Variants in SPON1 observed in about 807,000 individuals in gnomAD.
SPON1 encodes spondin 1, also known as spondin-1.
SPON1 carries 52 observed loss-of-function variants against 111.7 expected under a neutral mutation model. The observed-to-expected ratio is 0.47, with a 90% CI of 0.37 to 0.59. The LOEUF is 0.59. Ranked by LOEUF, SPON1 falls within the 20% of genes least tolerant of loss-of-function variation. The pLI is 0.00. For missense variants in SPON1, 957 were observed against 1,068.5 expected (o/e 0.90, Z 1.46); for synonymous variants, 410 against 395.8 (o/e 1.04, Z -0.43).
intron 1 of SPON1, among the ~76,000 whole-genome samples, chr11:13,964,892 A>G (rs1848004636): frequency 1.3e-5 from 2 of 152,164 alleles, no homozygotes; most frequent in African/African-American, 4.8e-5. Flanking sequence ...TAGCAGAGAA[A>G]GAAGTGGCTC....
intron 6 of SPON1, among the ~76,000 whole-genome samples, chr11:14,236,780 A>G (rs904365126): frequency 6.0e-5 from 9 of 151,030 alleles, no homozygotes; most frequent in African/African-American, 2.2e-4. Context: ...TTCAAGGCAG[A>G]GGGAGTGAGT....
intron 3 of SPON1, among the ~76,000 whole-genome samples, chr11:14,049,579 T>G (rs192953788): frequency 3.1e-4 from 47 of 152,280 alleles, no homozygotes; most frequent in Admixed American, 2.7e-3. Flanking sequence ...TCCCTAGCCT[T>G]TCTTGTCTGT....
intron 6 of SPON1, among the ~76,000 whole-genome samples, chr11:14,139,725 T>TATATATATATA (rs1564913657): frequency 6.6e-6 from 1 of 150,832 alleles, no homozygotes; most frequent in Admixed American, 6.6e-5. Context: ...TATATATATA[T>TATATATATATA]TTAAGTGAAA....
chr11:14,256,537 T>A lies in SPON1; in HGVS notation c.1234-80T>A. The A allele has an allele frequency of 7.3e-6, 7 of 960,588 alleles. No individual in the cohort carries two copies. The South Asian group carries it at 1.0e-4, about 14-fold the overall frequency. The allele number at this position is 960,588 out of a possible 1,614,324, so 59.5% of individuals were successfully genotyped here. A position where few individuals can be genotyped will look rare whatever the true frequency, so the allele number is the denominator to read the frequency against. ...ATTTGTATACAGAATGGCGATTAGATTTTAGTCCTCTTTCACCTTCCCCCT... is the reference window on the plus strand; with the variant it reads ...ATTTGTATACAGAATGGCGATTAGAATTTAGTCCTCTTTCACCTTCCCCCT... On this transcript the variant is annotated intron_variant, in intron 9 of 15. Coordinates refer to ENST00000576479, the MANE Select transcript of SPON1 (RefSeq NM_006108.4).
intron 6 of SPON1, among the ~76,000 whole-genome samples, chr11:14,235,628 A>C (rs1434576223): frequency 2.8e-5 from 4 of 140,644 alleles, no homozygotes; most frequent in African/African-American, 1.1e-4. Context: ...ACAGTGAGCC[A>C]TGATTATGCC....
At chr11:14,014,715 A>G (rs1326889239) in intron 2 of SPON1, among the ~76,000 whole-genome samples, 3 of 152,234 alleles carry the variant, frequency 2.0e-5, no homozygotes, top group Non-Finnish European at 4.4e-5. Flanking sequence ...ACTGTAAACT[A>G]AAGGACACAA....
intron 6 of SPON1, among the ~76,000 whole-genome samples, chr11:14,158,167 G>C (rs1279130975): frequency 6.6e-6 from 1 of 152,012 alleles, no homozygotes; most frequent in African/African-American, 2.4e-5. Flanking sequence ...CCTTGGGTTG[G>C]GTTGTTTTTA....
At chr11:14,226,606 T>C (rs1346840881) in intron 6 of SPON1, among the ~76,000 whole-genome samples, 3 of 152,228 alleles carry the variant, frequency 2.0e-5, no homozygotes, top group Non-Finnish European at 4.4e-5. Context: ...AGTCAAAAAA[T>C]TGTTAAGCCA....
intron 3 of SPON1, among the ~76,000 whole-genome samples, chr11:14,053,349 T>A (rs782171527): frequency 2.0e-5 from 3 of 152,186 alleles, no homozygotes; most frequent in Non-Finnish European, 4.4e-5. Context: ...ACATTCCGGC[T>A]CTATGGACTT....
At chr11:14,149,159 T>A (rs1287197092) in intron 6 of SPON1, among the ~76,000 whole-genome samples, 1 of 152,142 alleles carries the variant, frequency 6.6e-6, no homozygotes, top group Non-Finnish European at 1.5e-5. Context: ...TCCTAGAAGC[T>A]GAAAGTGATG....
intron 2 of SPON1, among the ~76,000 whole-genome samples, chr11:14,013,208 A>T (rs1291264789): frequency 6.6e-6 from 1 of 152,150 alleles, no homozygotes; most frequent in Non-Finnish European, 1.5e-5. Context: ...TCTTAGGCTG[A>T]TTATGTGGAT....
chr11:14,010,966 A>G lies in SPON1; in HGVS notation c.345+28013A>G, dbSNP rs114993069. 5.3e-3 allele frequency among the ~76,000 whole-genome samples: 800 copies of G among 152,346 alleles called. 9 individuals are homozygous for G. Among genetic ancestry groups the G allele is most frequent in the African/African-American group, 0.018 (739 of 41,586 alleles). ...ATATAGTAGGATCATAGCTTTAGGA[A>G]ATTGTGATGCTCCTTGTAACATTCC... On this transcript the variant is annotated intron_variant, in intron 2 of 15. Coordinates refer to ENST00000576479, the MANE Select transcript of SPON1 (RefSeq NM_006108.4).
intron 2 of SPON1, among the ~76,000 whole-genome samples, chr11:14,037,940 C>T (rs536743089): frequency 1.4e-4 from 21 of 152,238 alleles, no homozygotes; most frequent in South Asian, 6.2e-4. Flanking sequence ...CCAAGGCAGG[C>T]GGATCACTTG....
intron 3 of SPON1, among the ~76,000 whole-genome samples, chr11:14,062,225 T>A (rs113279105): frequency 1.3e-5 from 2 of 152,176 alleles, no homozygotes; most frequent in African/African-American, 4.8e-5. Flanking sequence ...GAACCCTTGC[T>A]GGGCAGGGTC....
chr11:14,173,925 A>C (rs1591399554), intron 6 of SPON1, among the ~76,000 whole-genome samples: 1 of 152,094 alleles, frequency 6.6e-6, no homozygotes. Context: ...CAGTTAGGCT[A>C]CTCGGGTGTC....
chr11:14,006,143 C>G (rs932448412), intron 2 of SPON1, among the ~76,000 whole-genome samples: 1 of 152,064 alleles, frequency 6.6e-6, no homozygotes, highest in African/African-American at 2.4e-5. Context: ...GAAAAGTGAG[C>G]TATAATCTGG....
intron 6 of SPON1, among the ~76,000 whole-genome samples, chr11:14,186,059 G>T (rs1387544269): frequency 6.6e-6 from 1 of 152,280 alleles, no homozygotes; most frequent in East Asian, 1.9e-4. Context: ...ACCTATATAG[G>T]CCTGATGATT....
At chr11:13,981,279 C>A (rs72856939) in intron 1 of SPON1, among the ~76,000 whole-genome samples, 2,407 of 152,204 alleles carry the variant, frequency 0.016, 27 homozygotes, top group Middle Eastern at 0.034. Flanking sequence ...GGATGGAGGA[C>A]CATGATTGCC....
At chr11:14,047,116 T>C (rs1311060021) in intron 3 of SPON1, among the ~76,000 whole-genome samples, 2 of 152,214 alleles carry the variant, frequency 1.3e-5, no homozygotes, top group Non-Finnish European at 1.5e-5. Context: ...GGATTGTCGA[T>C]GTAAATGATC....
Sources: gnomAD v4.1 joint callset for allele counts (sites outside exome capture counted in the v4.1 genomes callset) on GRCh38, gnomAD v4.1.1 for gene constraint, MANE v1.5 for transcripts, NCBI Gene and HGNC (gene_info 2026-07-23, HGNC 2026-07-21) for gene names.